The following GPRC5B variants were observed in gnomAD, a reference collection of about 807,000 sequenced individuals.
The protein encoded by GPRC5B is G protein-coupled receptor family C group 5 member B.
A neutral mutation model predicts 30.1 loss-of-function variants in GPRC5B; 16 were observed. That is an observed-to-expected ratio of 0.53 (90% CI 0.36 to 0.81). GPRC5B has a LOEUF of 0.81. Among genes scored for constraint, GPRC5B ranks in the 30% least tolerant of loss-of-function variants. The pLI is 0.01. For missense variants in GPRC5B, 428 were observed against 544.7 expected, an observed-to-expected ratio of 0.79 and a Z score of 2.13; for synonymous variants, 241 against 239.5, an observed-to-expected ratio of 1.01 and a Z score of -0.06.
rs12325545 is a variant in GPRC5B, at chr16:19,869,813, T to C, written c.1030+2003A>G. Among the ~76,000 whole-genome samples, 330 of 152,318 alleles carry C rather than the reference T, an allele frequency of 2.2e-3. 2 individuals carry two copies. Among genetic ancestry groups the C allele is most frequent in the African/African-American group, 7.7e-3 (319 of 41,572 alleles). ...GGGGCCCAGTGCTATGGCTCATGCC[T>C]GTAATCGCAGCACTTTGGGAAGCTG... On this transcript the variant is annotated intron_variant, in intron 2 of 3. Coordinates refer to ENST00000300571, the MANE Select transcript of GPRC5B (RefSeq NM_016235.3).
At chr16:19,862,815 G>T (rs1597623242) in intron 2 of GPRC5B, among the ~76,000 whole-genome samples, 1 of 152,148 alleles carries the variant, frequency 6.6e-6, no homozygotes, top group Non-Finnish European at 1.5e-5. Context: ...TACTCGGGAG[G>T]CTGCAGCACA....
At chr16:19,871,054 C>T (rs888787800) in intron 2 of GPRC5B, among the ~76,000 whole-genome samples, 5 of 151,216 alleles carry the variant, frequency 3.3e-5, no homozygotes, top group African/African-American at 7.3e-5. Flanking sequence ...GAGGCTGAGG[C>T]GGGAGGATCA....
chr16:19,885,341 G>A (rs961729748), upstream of GPRC5B: 25 of 1,204,778 alleles, frequency 2.1e-5, no homozygotes, highest in Admixed American at 3.1e-4. The surrounding 1 kb of genome is among the most constrained non-coding windows in gnomAD (Gnocchi z 5.3). Flanking sequence ...GATCGATCCC[G>A]CCCGGTGCCT....
chr16:19,866,418 G>A (rs1469364001), intron 2 of GPRC5B, among the ~76,000 whole-genome samples: 2 of 152,002 alleles, frequency 1.3e-5, no homozygotes, highest in African/African-American at 2.4e-5. Flanking sequence ...ATGCAGTGAC[G>A]CGATCTCAGC....
At position 19,884,817 on chromosome 16, in the gene GPRC5B, A is replaced by ACGCC; in HGVS notation, c.-96_-93dup. The ACGCC allele has an allele frequency of 1.0e-6, 1 of 983,238 alleles. No individual in the cohort carries two copies. Among genetic ancestry groups the ACGCC allele is most frequent in the Non-Finnish European group, 1.2e-6 (1 of 829,248 alleles). The allele number at this position is 983,238 out of a possible 1,614,324, so 60.9% of individuals were successfully genotyped here. On this transcript the variant is annotated 5_prime_UTR_variant, in exon 1 of 4. Coordinates refer to ENST00000300571, the MANE Select transcript of GPRC5B (RefSeq NM_016235.3). The stretch of plus-strand genomic sequence containing the variant: ...CGCGGCCGCGGCCCCCGCTCCACGC[A>ACGCC]CGCCCGCCTGCGGGTCCAGCTTCAC...
At chr16:19,865,116 T>G (rs1717284708) in intron 2 of GPRC5B, among the ~76,000 whole-genome samples, 1 of 151,632 alleles carries the variant, frequency 6.6e-6, no homozygotes, top group African/African-American at 2.4e-5. Flanking sequence ...CCTATGCTAC[T>G]CAGGCTGGTC....
At chr16:19,873,131 C>A (rs1025266930) in intron 1 of GPRC5B, among the ~76,000 whole-genome samples, 1 of 152,050 alleles carries the variant, frequency 6.6e-6, no homozygotes, top group Non-Finnish European at 1.5e-5. Flanking sequence ...CTTTTGTATT[C>A]TTTGAATTGG....
At chr16:19,885,021 C>A, upstream of GPRC5B, 1 of 577,030 alleles carries the variant, frequency 1.7e-6, no homozygotes, top group Non-Finnish European at 2.4e-6. The surrounding 1 kb of genome is among the most constrained non-coding windows in gnomAD (Gnocchi z 5.3). Context: ...CTGCATGCAC[C>A]CCCGGAGCCC....
Position 19,858,650 on chromosome 16 carries a change from A to AC in GPRC5B, c.*1849dup. 6.1e-6 allele frequency: 3 copies of AC among 489,312 alleles called. No homozygotes were observed. The highest frequency in any genetic ancestry group is 3.3e-5 in the Admixed American group (1 of 30,250). 30.3% of individuals were successfully genotyped at this position (489,312 alleles called of 1,614,324 possible). ...ACCGGGTCCGCATGCAACCGCCCCC[A>AC]CCCCCACCCCAGGTCCTAGCTTCAT... is the stretch of plus-strand genomic sequence containing the variant. On this transcript the variant is annotated 3_prime_UTR_variant, in exon 4 of 4. Transcript: ENST00000300571.
intron 2 of GPRC5B, among the ~76,000 whole-genome samples, chr16:19,870,428 G>A (rs575867020): frequency 6.6e-6 from 1 of 152,318 alleles, no homozygotes; most frequent in African/African-American, 2.4e-5. Context: ...TACTCACTGT[G>A]TTCCTTCTCC....
intron 1 of GPRC5B, 36 bp downstream of exon 1, chr16:19,884,691 A>G (rs2056837251): frequency 3.0e-6 from 3 of 984,860 alleles, no homozygotes; most frequent in Non-Finnish European, 3.6e-6. Context: ...GGGTCCCCAC[A>G]GCGTCCTCCA....
At position 19,859,202 on chromosome 16, in the gene GPRC5B, G is replaced by A. The variant is rs759444160; in HGVS notation, c.*1298C>T. ...TCAGGTTAAAACTCTGCTTTGAATC[G>A]ATGCTAGAGGTTATGCTGGCCAAAC... On this transcript the variant is annotated 3_prime_UTR_variant, in exon 4 of 4. Coordinates refer to ENST00000300571, the MANE Select transcript of GPRC5B (RefSeq NM_016235.3). 1 of 152,546 alleles carries A rather than the reference G, an allele frequency of 6.6e-6. No homozygotes were observed. The allele number at this position is 152,546 out of a possible 1,614,324, so 9.4% of individuals were successfully genotyped here. A position where few individuals can be genotyped will look rare whatever the true frequency, so the allele number is the denominator to read the frequency against.
chr16:19,879,414 T>TCACA (rs527749972), intron 1 of GPRC5B, among the ~76,000 whole-genome samples: 4 of 150,094 alleles, frequency 2.7e-5, no homozygotes, highest in Admixed American at 6.6e-5. Flanking sequence ...TCTCTCTCTC[T>TCACA]CACACACACA....
rs2056609842 is a variant in GPRC5B at position 19,860,197 on chromosome 16, C to G, written c.*303G>C. 1 of 298,084 alleles carries G rather than the reference C, an allele frequency of 3.4e-6. No homozygotes were observed. Among genetic ancestry groups the G allele is most frequent in the African/African-American group, 2.2e-5 (1 of 44,932 alleles). The allele number at this position is 298,084 out of a possible 1,614,324, so 18.5% of individuals were successfully genotyped here. ...CCCCCAGAGGATGAAACAGTCTTCC[C>G]AGCCACATTTTCCAGTGAGCCTAAT... On this transcript the variant is annotated 3_prime_UTR_variant, in exon 4 of 4. Coordinates refer to ENST00000300571, the MANE Select transcript of GPRC5B (RefSeq NM_016235.3).
At chr16:19,869,053 G>A (rs932980055) in intron 2 of GPRC5B, among the ~76,000 whole-genome samples, 29 of 152,174 alleles carry the variant, frequency 1.9e-4, no homozygotes, top group Non-Finnish European at 3.1e-4. Context: ...TAGTGGCCGG[G>A]CGCAGTGGCT....
chr16:19,883,324 C>A (rs893151842), intron 1 of GPRC5B, among the ~76,000 whole-genome samples: 1 of 152,196 alleles, frequency 6.6e-6, no homozygotes, highest in Non-Finnish European at 1.5e-5. Flanking sequence ...CTCAGCTGAC[C>A]CCTTTCCAGG....
chr16:19,877,606 ATAACTGGT>A (rs1344458739), intron 1 of GPRC5B, among the ~76,000 whole-genome samples: 3 of 152,114 alleles, frequency 2.0e-5, no homozygotes, highest in Non-Finnish European at 4.4e-5. Context: ...GACAACAACA[ATAACTGGT>A]TAACCCTTAC....
In GPRC5B at chr16:19,878,901, T is replaced by TTCTCAGG. The variant is rs1567211933; in HGVS notation, c.-2+5825_-2+5826insCCTGAGA. Among the ~76,000 whole-genome samples, 510 of 152,078 alleles carry TTCTCAGG rather than the reference T, an allele frequency of 3.4e-3. 7 individuals carry two copies. The highest frequency in any genetic ancestry group is 0.01 in the African/African-American group (430 of 41,486). ...ACATCGCCCTGGAGCTCTTTAGAAA[T>TTCTCAGG]GCAGATTCTCAGGGCGTGGGTCCAG... On this transcript the variant is annotated intron_variant, in intron 1 of 3. Transcript: ENST00000300571.
At chr16:19,878,843 C>T (rs762795233) in intron 1 of GPRC5B, among the ~76,000 whole-genome samples, 12 of 152,154 alleles carry the variant, frequency 7.9e-5, no homozygotes, top group Non-Finnish European at 1.6e-4. Flanking sequence ...AGGTTTACAT[C>T]GAAGTTTGGT....
Sources: allele counts gnomAD v4.1 joint callset (sites outside exome capture counted in the v4.1 genomes callset), GRCh38; gene constraint gnomAD v4.1.1; non-coding constraint Gnocchi (gnomAD v3.1); transcripts MANE v1.5; gene names NCBI Gene and HGNC (gene_info 2026-07-23, HGNC 2026-07-21).